TRMT11: variants seen among roughly 807,000 people sequenced by gnomAD.
TRMT11 encodes tRNA (guanine(10)-N(2))-methyltransferase TRMT11.
A neutral mutation model predicts 62.8 loss-of-function variants in TRMT11; 53 were observed. The ratio of observed to expected loss-of-function variants is 0.84; its 90% CI spans 0.68 to 1.06. The LOEUF is 1.06. TRMT11 is among the 50% of genes least tolerant of loss of function. The pLI, the probability that TRMT11 is intolerant of heterozygous loss-of-function variation, is 0.00. For missense variants in TRMT11, 556 were observed against 553.4 expected (o/e 1.00, Z -0.05); for synonymous variants, 188 against 190.3 (o/e 0.99, Z 0.10).
intron 11 of TRMT11, among the ~76,000 whole-genome samples, chr6:126,014,761 T>C (rs1232836500): frequency 2.0e-5 from 3 of 151,136 alleles, no homozygotes; most frequent in Non-Finnish European, 4.4e-5. Context: ...TAACACTGAG[T>C]TTTTTTTTGT....
At chr6:126,184,521 G>A (rs1173180092) in intron 1 of TRMT11, among the ~76,000 whole-genome samples, 1 of 152,160 alleles carries the variant, frequency 6.6e-6, no homozygotes, top group East Asian at 1.9e-4. Flanking sequence ...AGAACCTGAA[G>A]CTCAGAATGG....
chr6:126,136,773 C>T (rs1432145674), intron 21 of TRMT11, among the ~76,000 whole-genome samples: 1 of 151,524 alleles, frequency 6.6e-6, no homozygotes, highest in Non-Finnish European at 1.5e-5. Context: ...ATAGTACTGG[C>T]ATAAAAACAG....
At chr6:126,240,071 G>A in the TRMT11 span, among the ~76,000 whole-genome samples, 1 of 152,084 alleles carries the variant, frequency 6.6e-6, no homozygotes, top group African/African-American at 2.4e-5. Flanking sequence ...GGTCCTTTAA[G>A]GACTTCTCTG....
chr6:126,079,058 C>T (rs1023277144), intron 17 of TRMT11, among the ~76,000 whole-genome samples: 1 of 151,914 alleles, frequency 6.6e-6, no homozygotes, highest in Non-Finnish European at 1.5e-5. Context: ...CTGGTGAGTC[C>T]CTGGACCATA....
At chr6:126,236,823 A>T in the TRMT11 span, among the ~76,000 whole-genome samples, 2 of 152,080 alleles carry the variant, frequency 1.3e-5, no homozygotes, top group Non-Finnish European at 2.9e-5. Flanking sequence ...TCATATTTCC[A>T]TGGAGATATC....
intron 2 of TRMT11, among the ~76,000 whole-genome samples, chr6:125,995,643 A>G (rs546150973): frequency 5.0e-4 from 76 of 152,336 alleles, no homozygotes; most frequent in Non-Finnish European, 8.2e-4. Context: ...ATAAGGGATG[A>G]TTAGCCATGA....
intron 11 of TRMT11, among the ~76,000 whole-genome samples, chr6:126,019,485 G>GAGTTTAT (rs1795497705): frequency 6.6e-6 from 1 of 152,084 alleles, no homozygotes; most frequent in African/African-American, 2.4e-5. Flanking sequence ...TAAACATGAA[G>GAGTTTAT]AGTTTATATC....
At chr6:126,102,909 T>C (rs1777417409) in intron 17 of TRMT11, among the ~76,000 whole-genome samples, 1 of 152,236 alleles carries the variant, frequency 6.6e-6, no homozygotes, top group Non-Finnish European at 1.5e-5. Context: ...AACTGAGGTT[T>C]AGAGAGAGAA....
chr6:126,223,267 A>G, the TRMT11 span, among the ~76,000 whole-genome samples: 4 of 151,994 alleles, frequency 2.6e-5, no homozygotes, highest in Non-Finnish European at 5.9e-5. Flanking sequence ...TAAAAATACA[A>G]AAAATTAGCT....
At chr6:126,021,330 G>C in intron 12 of TRMT11, 50 bp downstream of exon 12, 1 of 1,591,724 alleles carries the variant, frequency 6.3e-7, no homozygotes, top group Non-Finnish European at 8.6e-7. Flanking sequence ...ATCAAAAGTA[G>C]TTGTTTCTAA....
At chr6:126,207,798 T>C (rs1349809343), downstream of TRMT11, among the ~76,000 whole-genome samples, 1 of 152,182 alleles carries the variant, frequency 6.6e-6, no homozygotes, top group Non-Finnish European at 1.5e-5. Flanking sequence ...ACATAAAATA[T>C]AATAATCATA....
chr6:126,231,450 G>A, the TRMT11 span, among the ~76,000 whole-genome samples: 1 of 152,178 alleles, frequency 6.6e-6, no homozygotes, highest in African/African-American at 2.4e-5. Context: ...TAAAATATAT[G>A]TAGATACTAG....
intron 21 of TRMT11, among the ~76,000 whole-genome samples, chr6:126,166,829 G>C (rs1233610938): frequency 6.6e-6 from 1 of 152,202 alleles, no homozygotes; most frequent in African/African-American, 2.4e-5. Context: ...GGAATCTAGA[G>C]AGGCAGTGTA....
chr6:126,149,785 T>C (rs1583889793), intron 21 of TRMT11, among the ~76,000 whole-genome samples: 1 of 152,204 alleles, frequency 6.6e-6, no homozygotes, highest in East Asian at 1.9e-4. Flanking sequence ...GTGCCAAATA[T>C]TCTGCAGTGC....
At chr6:126,148,561 G>T (rs529530509) in intron 21 of TRMT11, among the ~76,000 whole-genome samples, 1 of 152,226 alleles carries the variant, frequency 6.6e-6, no homozygotes, top group Non-Finnish European at 1.5e-5. Context: ...TTAGCTGAAT[G>T]ATCTGGGGTA....
intron 1 of TRMT11, among the ~76,000 whole-genome samples, chr6:125,993,133 T>C (rs1790902064): frequency 6.6e-6 from 1 of 152,288 alleles, no homozygotes; most frequent in East Asian, 1.9e-4. Flanking sequence ...TCTACCTGTT[T>C]TATGTGATTT....
intron 7 of TRMT11, 124 bp downstream of exon 7, chr6:125,999,737 AACAG>A (rs1410151423): frequency 1.3e-6 from 1 of 768,746 alleles, no homozygotes; most frequent in African/African-American, 1.8e-5. Flanking sequence ...GATAGTGGCC[AACAG>A]ACAACCACAT....
the TRMT11 span, among the ~76,000 whole-genome samples, chr6:126,240,520 A>T: frequency 6.6e-6 from 1 of 152,228 alleles, no homozygotes; most frequent in Non-Finnish European, 1.5e-5. Context: ...GCTGCAGAAC[A>T]GCAAATATTG....
Position 126,069,855 on chromosome 6 carries a change from G to GT in TRMT11, c.*1437+16682dup, listed in dbSNP as rs113950068. 6.6e-3 allele frequency among the ~76,000 whole-genome samples: 892 copies of GT among 134,946 alleles called. 1 individual carries two copies. Among genetic ancestry groups the GT allele is most frequent in the Middle Eastern group, 0.019 (5 of 270 alleles). 88.5% of individuals were successfully genotyped at this position (134,946 alleles called of 152,430 possible). ...ATACCTTTGGTTTCTGTAGATGAAG[G>GT]TTTTTTTTTTTTTTTTTAGGTTTAT... is the stretch of plus-strand genomic sequence containing the variant. On this transcript the variant is annotated intron_variant and NMD_transcript_variant, in intron 17 of 22. Coordinates refer to the TRMT11 transcript ENST00000648977.
Sources: allele counts gnomAD v4.1 joint callset (sites outside exome capture counted in the v4.1 genomes callset), GRCh38; gene constraint gnomAD v4.1.1; transcripts MANE v1.5; gene names NCBI Gene and HGNC (gene_info 2026-07-23, HGNC 2026-07-21).